The following APELA variants were observed in gnomAD, a reference collection of about 807,000 sequenced individuals.
The protein encoded by APELA is apelin receptor early endogenous ligand.
At chr4:164,892,373 T>A (rs1298954275) in intron 2 of APELA, among the ~76,000 whole-genome samples, 1 of 152,138 alleles carries the variant, frequency 6.6e-6, no homozygotes, top group Non-Finnish European at 1.5e-5. Context: ...CACATATATA[T>A]GTATATATAT....
chr4:164,893,630 C>T (rs1031445681), intron 2 of APELA, among the ~76,000 whole-genome samples: 1 of 152,076 alleles, frequency 6.6e-6, no homozygotes, highest in Non-Finnish European at 1.5e-5. Flanking sequence ...TTCGCTTCAG[C>T]TCTCTTATAC....
chr4:164,891,118 T>A (rs569666998), intron 2 of APELA, among the ~76,000 whole-genome samples: 1 of 152,312 alleles, frequency 6.6e-6, no homozygotes, highest in African/African-American at 2.4e-5. Flanking sequence ...TGTGTGTGTA[T>A]ATATTCTGAA....
At chr4:164,885,929 A>C (rs1315935430) in intron 2 of APELA, among the ~76,000 whole-genome samples, 1 of 152,082 alleles carries the variant, frequency 6.6e-6, no homozygotes, top group Non-Finnish European at 1.5e-5. Context: ...TTCTTCTCTC[A>C]TCAAGTCCAA....
At chr4:164,885,898 G>C (rs541281714) in intron 2 of APELA, among the ~76,000 whole-genome samples, 11 of 152,130 alleles carry the variant, frequency 7.2e-5, no homozygotes, top group African/African-American at 2.2e-4. Flanking sequence ...CTGTGGTGGA[G>C]ATATTTCCTC....
intron 2 of APELA, chr4:164,879,368 C>T (rs1215757656): frequency 6.0e-6 from 1 of 167,576 alleles, no homozygotes; most frequent in East Asian, 1.6e-4. Flanking sequence ...ACCCAACAGC[C>T]CCATACCAGC....
Position 164,894,795 on chromosome 4 carries a change from C to T in APELA, c.*2-621C>T, listed in dbSNP as rs544762218. ...GAAGCCTTCCTCTCACCTCAGCCTC[C>T]CCAGTAGGTGTGAGCCATCATGCCT... On this transcript the variant is annotated intron_variant, in intron 2 of 2. Coordinates refer to ENST00000507152, the MANE Select transcript of APELA (RefSeq NM_001297550.2). Among the ~76,000 whole-genome samples, 3 of 152,292 alleles carry T rather than the reference C, an allele frequency of 2.0e-5. No homozygotes were observed. The South Asian group carries it at 6.2e-4, about 32-fold the overall frequency.
chr4:164,888,296 A>G (rs1177483472), intron 2 of APELA, among the ~76,000 whole-genome samples: 4 of 152,258 alleles, frequency 2.6e-5, no homozygotes, highest in African/African-American at 9.6e-5. Flanking sequence ...GCAGAGGACC[A>G]AGACAGGCAG....
intron 1 of APELA, among the ~76,000 whole-genome samples, chr4:164,878,706 A>G (rs559527292): frequency 3.3e-5 from 5 of 152,368 alleles, no homozygotes; most frequent in East Asian, 1.9e-4. Context: ...AGTTAAAAAA[A>G]TAGGAGTAAA....
At chr4:164,884,165 G>GAAAGAAAGAAACAA (rs1560858173) in intron 2 of APELA, among the ~76,000 whole-genome samples, 1 of 123,088 alleles carries the variant, frequency 8.1e-6, no homozygotes, top group African/African-American at 3.4e-5. Flanking sequence ...GAAAGGAGAA[G>GAAAGAAAGAAACAA]AGAAAGAAAG....
chr4:164,879,118 T>C (rs1730609923), intron 2 of APELA, 109 bp downstream of exon 2: 3 of 396,852 alleles, frequency 7.6e-6, no homozygotes. Flanking sequence ...CTTATGGCAA[T>C]GTCAAGACTT....
intron 2 of APELA, among the ~76,000 whole-genome samples, chr4:164,883,365 G>T (rs1730697580): frequency 6.6e-6 from 1 of 151,958 alleles, no homozygotes; most frequent in Non-Finnish European, 1.5e-5. Flanking sequence ...CACAGCAAAA[G>T]ATAACTCCTC....
intron 2 of APELA, among the ~76,000 whole-genome samples, chr4:164,891,032 G>A (rs1730872584): frequency 6.6e-6 from 1 of 152,078 alleles, no homozygotes; most frequent in Non-Finnish European, 1.5e-5. Flanking sequence ...TTGGAGAAAT[G>A]GCTATTCAAA....
At chr4:164,892,149 A>G (rs1202328677) in intron 2 of APELA, among the ~76,000 whole-genome samples, 1 of 152,048 alleles carries the variant, frequency 6.6e-6, no homozygotes, top group African/African-American at 2.4e-5. Flanking sequence ...CATCTCTGCA[A>G]AAATTACAAA....
rs1035490878 is a variant in APELA, at chr4:164,895,828, G to T, written c.*414G>T. On this transcript the variant is annotated 3_prime_UTR_variant, in exon 3 of 3. Coordinates refer to ENST00000507152, the MANE Select transcript of APELA (RefSeq NM_001297550.2). Reference sequence around the variant, plus strand: ...ATAATTCTCCAAAAGTATTAAATTCGTATATGTTTGAGTGATTTTCTAAAA... The same window carrying T: ...ATAATTCTCCAAAAGTATTAAATTCTTATATGTTTGAGTGATTTTCTAAAA... 3.9e-5 allele frequency: 6 copies of T among 152,108 alleles called. No individual in the cohort carries two copies. Among genetic ancestry groups the T allele is most frequent in the Non-Finnish European group, 8.8e-5 (6 of 68,016 alleles). The allele number at this position is 152,108 out of a possible 1,614,324, so 9.4% of individuals were successfully genotyped here. A position where few individuals can be genotyped will look rare whatever the true frequency, so the allele number is the denominator to read the frequency against.
At chr4:164,884,149 AAGAAAGAAAGG>A (rs1730721731) in intron 2 of APELA, among the ~76,000 whole-genome samples, 1 of 149,768 alleles carries the variant, frequency 6.7e-6, no homozygotes, top group Non-Finnish European at 1.5e-5. Flanking sequence ...GAAAGAAAGA[AAGAAAGAAAGG>A]AGAAGAGAAA....
chr4:164,892,892 C>T (rs995885024), intron 2 of APELA, among the ~76,000 whole-genome samples: 2 of 152,084 alleles, frequency 1.3e-5, no homozygotes, highest in African/African-American at 4.8e-5. Flanking sequence ...TGTTGGCACA[C>T]AGTTGTTTAT....
At chr4:164,879,575 G>A (rs1361681872) in intron 2 of APELA, among the ~76,000 whole-genome samples, 3 of 152,140 alleles carry the variant, frequency 2.0e-5, no homozygotes, top group African/African-American at 7.2e-5. Flanking sequence ...CCCCCAAGTA[G>A]CTGGGACTAC....
intron 2 of APELA, among the ~76,000 whole-genome samples, chr4:164,881,787 C>G (rs1441772474): frequency 6.6e-6 from 1 of 151,700 alleles, no homozygotes; most frequent in Non-Finnish European, 1.5e-5. Context: ...ATAATCCCAG[C>G]ACTTTGGGAG....
At chr4:164,887,662 A>G (rs1366335207) in intron 2 of APELA, among the ~76,000 whole-genome samples, 1 of 151,074 alleles carries the variant, frequency 6.6e-6, no homozygotes, top group African/African-American at 2.4e-5. Flanking sequence ...CCCAGGCTGG[A>G]TTGCAATGGT....
Sources: gnomAD v4.1 joint callset for allele counts (sites outside exome capture counted in the v4.1 genomes callset) on GRCh38, gnomAD v4.1.1 for gene constraint, MANE v1.5 for transcripts, NCBI Gene and HGNC (gene_info 2026-07-23, HGNC 2026-07-21) for gene names.